Variants in RNF20 observed in about 807,000 individuals in gnomAD.
RNF20 encodes the protein ring finger protein 20.
In RNF20, 84 loss-of-function variants were observed where a neutral mutation model predicts 126.2. The ratio of observed to expected loss-of-function variants is 0.67; its 90% CI spans 0.56 to 0.80. The LOEUF is 0.80. RNF20 is among the 30% of genes least tolerant of loss of function. RNF20 has a pLI of 0.00. For missense variants in RNF20, 869 were observed against 1,188.2 expected, an observed-to-expected ratio of 0.73 and a Z score of 3.95; for synonymous variants, 400 against 414.3, an observed-to-expected ratio of 0.97 and a Z score of 0.42.
chr9:101,559,414 T>G (rs2118740867), intron 16 of RNF20, among the ~76,000 whole-genome samples: 1 of 152,294 alleles, frequency 6.6e-6, no homozygotes, highest in Admixed American at 6.5e-5. Context: ...TTTAGGATTG[T>G]TTGTTCTAGT....
rs1359199043 is a variant in RNF20, at chr9:101,561,990, G to A, written c.2730G>A (p.Met910Ile). The change falls in exon 19 of 20, where the codon ATG (methionine) becomes ATA (isoleucine). Residue 910 changes from methionine to isoleucine, a missense_variant. Around this residue, in one of 8 missense-constraint regions of RNF20, gnomAD observed 150 missense variants for 173.7 expected, o/e 0.86. Transcript: ENST00000389120. Reference protein sequence around the residue: ...DNVPKCDEILMEEIKDYKARL... With the variant: ...DNVPKCDEILIEEIKDYKARL... ...TACCCAAGTGTGATGAGATTCTGATGGAAGAGATTAAGGATTACAAGGTTA... is the reference window on the plus strand; with the variant it reads ...TACCCAAGTGTGATGAGATTCTGATAGAAGAGATTAAGGATTACAAGGTTA... 2.5e-6 allele frequency: 4 copies of A among 1,610,058 alleles called. No homozygotes were observed. The highest frequency in any genetic ancestry group is 3.4e-6 in the Non-Finnish European group (4 of 1,178,486).
intron 9 of RNF20, 140 bp from the exon 10 acceptor site, chr9:101,550,466 G>T (rs555199686): frequency 4.8e-5 from 34 of 709,212 alleles, no homozygotes; most frequent in Admixed American, 4.3e-4. Context: ...CATAACTACA[G>T]CAATGGGTAG....
intron 5 of RNF20, among the ~76,000 whole-genome samples, chr9:101,541,798 G>T (rs2118681560): frequency 1.3e-5 from 2 of 152,204 alleles, no homozygotes; most frequent in African/African-American, 2.4e-5. Flanking sequence ...TGGTTAAAAG[G>T]ATTATTAGAA....
At chr9:101,540,998 G>T in intron 5 of RNF20, 23 bp downstream of exon 5, 1 of 1,593,616 alleles carries the variant, frequency 6.3e-7, no homozygotes, top group Non-Finnish European at 8.6e-7. Flanking sequence ...CCTGGAGGCC[G>T]GGAGTAGTGG....
At chr9:101,536,487 G>A (rs1432360298) in intron 2 of RNF20, among the ~76,000 whole-genome samples, 1 of 152,126 alleles carries the variant, frequency 6.6e-6, no homozygotes, top group Non-Finnish European at 1.5e-5. Context: ...TGTTGATGAA[G>A]TGTCATTTCT....
chr9:101,550,510 T>C, intron 9 of RNF20, 96 bp from the exon 10 acceptor site: 1 of 945,208 alleles, frequency 1.1e-6, no homozygotes. Flanking sequence ...TTGTCTCTCT[T>C]GTGTAGGACA....
rs769326539 is a variant in RNF20, at chr9:101,560,921, C to T, written c.2503C>T (p.Arg835Cys). The change falls in exon 17 of 20, where the codon CGC becomes TGC. Residue 835 changes from arginine (R) to cysteine (C), a missense_variant. By Grantham distance (180) the Arg-to-Cys change is radical (BLOSUM62 -3). Transcript: ENST00000389120. ...LRTQALEMNK[R>C]KAMEAAQLAD... is the part of the protein sequence containing the mutation. Reference sequence around the variant, plus strand: ...GACCCAAGCCTTAGAGATGAATAAACGCAAGGTATGATTGATTAATCTAAT... The same window carrying T: ...GACCCAAGCCTTAGAGATGAATAAATGCAAGGTATGATTGATTAATCTAAT... The T allele has an allele frequency of 5.0e-6, 8 of 1,610,594 alleles. No individual in the cohort carries two copies. The highest frequency in any genetic ancestry group is 1.3e-5 in the African/African-American group (1 of 74,628).
At position 101,552,271 on chromosome 9, in the gene RNF20, A is replaced by G. The variant is rs1160110025; in HGVS notation, c.1530+9A>G. ...AGTCTGACCTGAACAAGGTAACCAGAGGGAATAGAATAAATATCATTTGCT... is the reference window on the plus strand; with the variant it reads ...AGTCTGACCTGAACAAGGTAACCAGGGGGAATAGAATAAATATCATTTGCT... On this transcript the variant is annotated intron_variant, in intron 12 of 19. Coordinates refer to ENST00000389120, the MANE Select transcript of RNF20 (RefSeq NM_019592.7). 1.9e-6 allele frequency: 3 copies of G among 1,614,190 alleles called. No individual in the cohort carries two copies. Among genetic ancestry groups the G allele is most frequent in the Admixed American group, 1.7e-5 (1 of 60,034 alleles).
intron 2 of RNF20, among the ~76,000 whole-genome samples, chr9:101,538,466 G>A (rs1564106478): frequency 2.0e-5 from 3 of 152,120 alleles, no homozygotes. Context: ...GCAGAGGTAG[G>A]AGGTTTTAGG....
chr9:101,554,437 A>C (rs547485918), intron 14 of RNF20, among the ~76,000 whole-genome samples: 1 of 152,314 alleles, frequency 6.6e-6, no homozygotes, highest in East Asian at 1.9e-4. Context: ...CCTAAAAAAA[A>C]GGATGGGAAC....
intron 2 of RNF20, among the ~76,000 whole-genome samples, 191 bp downstream of exon 2, chr9:101,535,743 G>A (rs547529366): frequency 2.0e-5 from 3 of 152,330 alleles, no homozygotes; most frequent in Admixed American, 2.0e-4. Context: ...GTTGTTCTTT[G>A]TTTTCAAGGT....
At chr9:101,554,978 GT>G in intron 15 of RNF20, 135 bp downstream of exon 15, 2 of 538,746 alleles carry the variant, frequency 3.7e-6, no homozygotes, top group Non-Finnish European at 5.9e-6. Context: ...TTGTGTGTGT[GT>G]TTTAATTCTT....
chr9:101,554,676 A>G lies in RNF20; in HGVS notation c.2020-18A>G, dbSNP rs749042355. The G allele has an allele frequency of 2.5e-6, 4 of 1,607,546 alleles. No homozygotes were observed. Among genetic ancestry groups the G allele is most frequent in the Non-Finnish European group, 3.4e-6 (4 of 1,176,166 alleles). Reference sequence around the variant, plus strand: ...TGTTATAACTTTTTATTTTTGTGCAATTCCTTTCCTCTTATAGTTGGAAGA... The same window carrying G: ...TGTTATAACTTTTTATTTTTGTGCAGTTCCTTTCCTCTTATAGTTGGAAGA... On this transcript the variant is annotated intron_variant, in intron 14 of 19. Transcript: ENST00000389120.
In RNF20 at chr9:101,552,696, A is replaced by G; in HGVS notation, c.1844A>G (p.His615Arg). 6.3e-7 allele frequency: 1 copy of G among 1,579,074 alleles called. No homozygotes were observed. The highest frequency in any genetic ancestry group is 8.7e-7 in the Non-Finnish European group (1 of 1,148,790). ...GCTAAGGATAAAGAGAAAGGCAAAC[A>G]TGATGATGGACGGAAAAAGGAAGCA... is the stretch of plus-strand genomic sequence containing the variant. ...DSAKDKEKGKHDDGRKKEAEI... is the reference protein window; with the variant it reads ...DSAKDKEKGKRDDGRKKEAEI... Residue 615 changes from histidine (H) to arginine (R), a missense_variant, in exon 13 of 20, where the codon CAT (histidine) becomes CGT (arginine). Physicochemically the swap from His to Arg is conservative, Grantham distance 29. Transcript: ENST00000389120.
intron 5 of RNF20, among the ~76,000 whole-genome samples, chr9:101,542,111 A>G (rs1827268459): frequency 6.6e-6 from 1 of 152,256 alleles, no homozygotes; most frequent in Non-Finnish European, 1.5e-5. Context: ...CCATTGGATG[A>G]GCATATAAGA....
intron 9 of RNF20, 86 bp from the exon 10 acceptor site, chr9:101,550,520 A>G: frequency 9.4e-7 from 1 of 1,063,124 alleles, no homozygotes; most frequent in East Asian, 2.4e-5. Context: ...TGTGTAGGAC[A>G]TCAGTGAGTT....
At chr9:101,535,928 C>T (rs1827175864) in intron 2 of RNF20, among the ~76,000 whole-genome samples, 1 of 152,208 alleles carries the variant, frequency 6.6e-6, no homozygotes, top group South Asian at 2.1e-4. Context: ...GAGTCTGAGA[C>T]CAGATTGCCT....
intron 16 of RNF20, among the ~76,000 whole-genome samples, chr9:101,557,803 G>A (rs376780513): frequency 3.3e-5 from 5 of 152,046 alleles, no homozygotes; most frequent in East Asian, 3.9e-4. Context: ...GTCAAATATG[G>A]ATCTGCTAAT....
chr9:101,544,910 G>T (rs1353741056), intron 6 of RNF20, 25 bp downstream of exon 6: 2 of 1,405,432 alleles, frequency 1.4e-6, no homozygotes, highest in Admixed American at 3.3e-5. Flanking sequence ...AGGAGAGATG[G>T]CTGTGTCTAG....
Sources: gnomAD v4.1 joint callset for allele counts (sites outside exome capture counted in the v4.1 genomes callset) on GRCh38, gnomAD v4.1.1 for gene constraint, gnomAD v4.1.1 regional missense constraint, MANE v1.5 for transcripts, NCBI Gene and HGNC (gene_info 2026-07-23, HGNC 2026-07-21) for gene names.